MAGI1: variants seen among roughly 807,000 people sequenced by gnomAD.
The protein encoded by MAGI1 is membrane associated guanylate kinase, WW and PDZ domain containing 1.
Under a neutral mutation model 139.9 loss-of-function variants are expected in MAGI1, and 58 were observed. The observed-to-expected ratio is 0.41, with a 90% CI of 0.34 to 0.52. The LOEUF (loss-of-function observed/expected upper bound fraction) is 0.52. MAGI1 is among the 20% of genes least tolerant of loss of function. The pLI is 0.12. For missense variants in MAGI1, 1,874 were observed against 1,901.6 expected (o/e 0.99, Z 0.27); for synonymous variants, 812 against 737.9 (o/e 1.10, Z -1.63).
chr3:65,983,892 G>A (rs193173363), intron 1 of MAGI1, among the ~76,000 whole-genome samples: 178 of 152,314 alleles, frequency 1.2e-3, no homozygotes, highest in Non-Finnish European at 2.0e-3. Flanking sequence ...TTGGTGGGAG[G>A]TTTGAATGAG....
At position 66,031,046 on chromosome 3, in the gene MAGI1, A is replaced by G. The variant is rs1169315131; in HGVS notation, c.313+6950T>C. On this transcript the variant is annotated intron_variant, in intron 1 of 22. Transcript: ENST00000402939. ...TGAATTCATAAGAAATACTACATCG[A>G]TGCCGACCTCCATAGGGGAGAAGTC... Among the ~76,000 whole-genome samples the G allele has an allele frequency of 3.3e-5, 5 of 152,352 alleles. No individual in the cohort carries two copies. The South Asian group carries it at 1.0e-3, about 32-fold the overall frequency.
At chr3:65,490,711 G>A (rs932829738) in intron 3 of MAGI1, among the ~76,000 whole-genome samples, 2 of 151,730 alleles carry the variant, frequency 1.3e-5, no homozygotes, top group Non-Finnish European at 2.9e-5. Flanking sequence ...GGGCACAGTG[G>A]CATGCACCTG....
At chr3:65,859,164 C>G (rs1422260042) in intron 1 of MAGI1, among the ~76,000 whole-genome samples, 1 of 152,056 alleles carries the variant, frequency 6.6e-6, no homozygotes, top group Non-Finnish European at 1.5e-5. Flanking sequence ...GAAATCCTGT[C>G]TCTACTAAAA....
intron 1 of MAGI1, among the ~76,000 whole-genome samples, chr3:65,774,303 ACTTAT>A (rs1480207149): frequency 2.0e-5 from 3 of 152,112 alleles, no homozygotes; most frequent in African/African-American, 7.2e-5. Context: ...CGTGGAAGAT[ACTTAT>A]CTTAATACCA....
intron 2 of MAGI1, among the ~76,000 whole-genome samples, chr3:65,530,402 C>T (rs889600411): frequency 6.6e-6 from 1 of 151,704 alleles, no homozygotes. Flanking sequence ...TTGCTTGAGC[C>T]CAGGAGTTCT....
intron 1 of MAGI1, among the ~76,000 whole-genome samples, chr3:65,988,185 T>TA: frequency 6.6e-6 from 1 of 152,074 alleles, no homozygotes; most frequent in East Asian, 1.9e-4. Flanking sequence ...CAGGGACCCC[T>TA]ACAAGTTACT....
chr3:65,642,500 T>C (rs2085035409), intron 1 of MAGI1, among the ~76,000 whole-genome samples: 1 of 152,136 alleles, frequency 6.6e-6, no homozygotes, highest in African/African-American at 2.4e-5. Flanking sequence ...TACCAAAATT[T>C]TGAATAAAGT....
At chr3:65,713,323 G>A (rs951360128) in intron 1 of MAGI1, among the ~76,000 whole-genome samples, 4 of 152,090 alleles carry the variant, frequency 2.6e-5, no homozygotes, top group African/African-American at 4.8e-5. Context: ...AACCCTCCAT[G>A]CTGTCACCCA....
intron 12 of MAGI1, among the ~76,000 whole-genome samples, chr3:65,403,164 A>T (rs1264095594): frequency 6.6e-6 from 1 of 152,160 alleles, no homozygotes; most frequent in East Asian, 1.9e-4. Flanking sequence ...ACTTCACAAG[A>T]TTATTAAGAT....
intron 1 of MAGI1, among the ~76,000 whole-genome samples, chr3:65,784,452 T>A (rs1325604120): frequency 6.6e-6 from 1 of 151,808 alleles, no homozygotes; most frequent in Non-Finnish European, 1.5e-5. Flanking sequence ...GAGCGTTGGC[T>A]CACGCCTGTA....
chr3:65,595,791 TC>T (rs2082162897), intron 2 of MAGI1, among the ~76,000 whole-genome samples: 1 of 100,186 alleles, frequency 1.0e-5, no homozygotes. Context: ...TGGGTAAGCT[TC>T]CGTTTTTAAC....
intron 1 of MAGI1, among the ~76,000 whole-genome samples, chr3:65,863,580 C>T (rs1033813933): frequency 6.6e-6 from 1 of 152,172 alleles, no homozygotes; most frequent in Non-Finnish European, 1.5e-5. Context: ...CCTTTGTTGA[C>T]AGCCCTGGTT....
intron 3 of MAGI1, among the ~76,000 whole-genome samples, chr3:65,485,640 A>G (rs547893374): frequency 6.6e-6 from 1 of 152,358 alleles, no homozygotes; most frequent in South Asian, 2.1e-4. Flanking sequence ...GTATTATCAC[A>G]ACACATATTC....
chr3:65,716,124 T>C (rs1050480344), intron 1 of MAGI1, among the ~76,000 whole-genome samples: 1 of 152,242 alleles, frequency 6.6e-6, no homozygotes, highest in Non-Finnish European at 1.5e-5. Context: ...AGGCATCCTC[T>C]TGTCCTCAAC....
Position 65,478,468 on chromosome 3 carries a change from G to A in MAGI1, c.757+124C>T, listed in dbSNP as rs899175845. On this transcript the variant is annotated intron_variant, in intron 4 of 22. Coordinates refer to ENST00000402939, the MANE Select transcript of MAGI1 (RefSeq NM_001033057.2). ...CTTCTGCAAGCACTGTGTGGTCCAA[G>A]TTTGAATTTTGGCGACTCTACAAAA... 3 of 859,988 alleles carry A rather than the reference G, an allele frequency of 3.5e-6. No individual in the cohort carries two copies. The Admixed American group carries it at 5.4e-5, about 16-fold the overall frequency. 53.3% of individuals were successfully genotyped at this position (859,988 alleles called of 1,614,324 possible).
In MAGI1 at chr3:65,669,368, C is replaced by G. The variant is rs543204450; in HGVS notation, c.314-47280G>C. Reference sequence around the variant, plus strand: ...TGAGAGGAATGAGCAGGAAGGAACACTGTCATGGTGGAGAAGGACTCTTTG... The same window carrying G: ...TGAGAGGAATGAGCAGGAAGGAACAGTGTCATGGTGGAGAAGGACTCTTTG... On this transcript the variant is annotated intron_variant, in intron 1 of 22. Coordinates refer to ENST00000402939, the MANE Select transcript of MAGI1 (RefSeq NM_001033057.2). 3.3e-5 allele frequency among the ~76,000 whole-genome samples: 5 copies of G among 152,296 alleles called. No homozygotes were observed. In the East Asian group the frequency reaches 7.7e-4, roughly 24 times the overall value.
intron 1 of MAGI1, among the ~76,000 whole-genome samples, chr3:66,002,230 GAAAA>G (rs774711267): frequency 1.3e-4 from 20 of 152,090 alleles, no homozygotes; most frequent in Non-Finnish European, 2.5e-4. Flanking sequence ...TTGCAGAAAA[GAAAA>G]AAACACGTCT....
chr3:65,950,067 C>A (rs796080353), intron 1 of MAGI1, among the ~76,000 whole-genome samples: 805 of 76,444 alleles, frequency 0.011, 5 homozygotes, highest in East Asian at 0.02. Context: ...AACAAAAAAA[C>A]AAAAAAAAAA....
intron 1 of MAGI1, among the ~76,000 whole-genome samples, chr3:65,699,504 T>G (rs1255832266): frequency 7.3e-6 from 1 of 137,428 alleles, no homozygotes; most frequent in Non-Finnish European, 1.6e-5. Context: ...TAGACTGGAT[T>G]AAGAAAATGT....
Sources: gnomAD v4.1 joint callset for allele counts (sites outside exome capture counted in the v4.1 genomes callset) on GRCh38, gnomAD v4.1.1 for gene constraint, MANE v1.5 for transcripts, NCBI Gene and HGNC (gene_info 2026-07-23, HGNC 2026-07-21) for gene names.